The following GRB14 variants were observed in gnomAD, a reference collection of about 807,000 sequenced individuals.
GRB14 encodes the protein growth factor receptor bound protein 14.
Under a neutral mutation model 69.1 loss-of-function variants are expected in GRB14, and 38 were observed. The ratio of observed to expected loss-of-function variants is 0.55; its 90% CI spans 0.42 to 0.72. GRB14 has a LOEUF of 0.72. GRB14 is among the 30% of genes least tolerant of loss of function. GRB14 has a pLI of 0.00. For synonymous variants in GRB14, 247 were observed against 241.3 expected, an observed-to-expected ratio of 1.02 and a Z score of -0.22; for missense variants, 666 against 666.1, an observed-to-expected ratio of 1.00 and a Z score of 0.00.
chr2:164,588,861 A>C lies in GRB14; in HGVS notation c.324+30826T>G, dbSNP rs114685905. 3.3e-3 allele frequency among the ~76,000 whole-genome samples: 497 copies of C among 152,356 alleles called. 2 individuals carry two copies. Among genetic ancestry groups the C allele is most frequent in the African/African-American group, 0.011 (442 of 41,578 alleles). ...AACATCGTTCTAAAATCAATGCAAT[A>C]GTTTTAAATACTCAGCTTGCTGCAG... On this transcript the variant is annotated intron_variant, in intron 2 of 13. Coordinates refer to ENST00000263915, the MANE Select transcript of GRB14 (RefSeq NM_004490.3).
intron 3 of GRB14, among the ~76,000 whole-genome samples, chr2:164,528,536 AAAG>A (rs1433959153): frequency 6.6e-6 from 1 of 152,138 alleles, no homozygotes; most frequent in African/African-American, 2.4e-5. Flanking sequence ...TTCATCCAAA[AAAG>A]AAGTTCAGTT....
intron 2 of GRB14, among the ~76,000 whole-genome samples, chr2:164,552,448 C>T (rs1374313602): frequency 1.3e-5 from 2 of 152,196 alleles, no homozygotes; most frequent in East Asian, 1.9e-4. Flanking sequence ...GTATTTTCTG[C>T]CTTTGAGTAT....
At chr2:164,558,607 C>T (rs1042128152) in intron 2 of GRB14, among the ~76,000 whole-genome samples, 11 of 152,152 alleles carry the variant, frequency 7.2e-5, no homozygotes, top group Non-Finnish European at 8.8e-5. Flanking sequence ...ATCTTTGAAA[C>T]AAGAAAACCT....
chr2:164,501,093 A>C (rs1473863860), intron 9 of GRB14, among the ~76,000 whole-genome samples: 1 of 152,112 alleles, frequency 6.6e-6, no homozygotes, highest in Non-Finnish European at 1.5e-5. Flanking sequence ...GATAAGAGTA[A>C]GCTGAAAAAA....
Position 164,508,469 on chromosome 2 carries a change from T to C in GRB14, c.1009A>G (p.Ile337Val). ...EQSRTCWVTA[I>V]RLLKYGMQLY... ...GGCGAGATTACCTTAAGCAATCTAA[T>C]CGCGGTCACCCAGCACGTCCTACTC... The change falls in exon 8 of 14, where the codon ATT (isoleucine) becomes GTT (valine). Residue 337 changes from isoleucine to valine, a missense_variant. Coordinates refer to ENST00000263915, the MANE Select transcript of GRB14 (RefSeq NM_004490.3). 6.2e-7 allele frequency: 1 copy of C among 1,613,998 alleles called. No homozygotes were observed. The highest frequency in any genetic ancestry group is 8.5e-7 in the Non-Finnish European group (1 of 1,179,916).
chr2:164,553,089 C>G (rs1240597773), intron 2 of GRB14, among the ~76,000 whole-genome samples: 1 of 152,128 alleles, frequency 6.6e-6, no homozygotes, highest in African/African-American at 2.4e-5. Flanking sequence ...ACAGTAAGCT[C>G]TCATCACCTG....
chr2:164,547,559 A>T, intron 3 of GRB14, 101 bp downstream of exon 3: 3 of 948,728 alleles, frequency 3.2e-6, no homozygotes, highest in Middle Eastern at 2.5e-4. Context: ...GATATAGAAA[A>T]TTATCTCAAA....
At chr2:164,620,016 C>G (rs2105366731) in intron 1 of GRB14, 197 bp from the exon 2 acceptor site, 2 of 336,540 alleles carry the variant, frequency 5.9e-6, no homozygotes, top group Non-Finnish European at 5.4e-6. Flanking sequence ...ACAAACAAAT[C>G]TCCTATAGTT....
intron 2 of GRB14, among the ~76,000 whole-genome samples, chr2:164,576,037 G>T (rs1175756591): frequency 6.6e-6 from 1 of 151,906 alleles, no homozygotes; most frequent in East Asian, 1.9e-4. Flanking sequence ...TCATCAAGTT[G>T]CCTGTTCATA....
intron 2 of GRB14, chr2:164,574,061 A>G (rs2105332583): frequency 2.7e-6 from 3 of 1,093,298 alleles, no homozygotes; most frequent in Non-Finnish European, 4.1e-6. Flanking sequence ...CTAGATCTTC[A>G]GAGGTAAATT....
Position 164,619,784 on chromosome 2 carries a change from G to A in GRB14, c.227C>T (p.Pro76Leu). 6.2e-7 allele frequency: 1 copy of A among 1,610,348 alleles called. No homozygotes were observed. The highest frequency in any genetic ancestry group is 1.3e-5 in the African/African-American group (1 of 74,892). ...KKKDLDVPEM[P>L]SIPNPFPELC... ...CTCAGGAAAAGGGTTTGGAATAGATGGCATTTCCGGAACATCAAGATCTTT... is the reference window on the plus strand; with the variant it reads ...CTCAGGAAAAGGGTTTGGAATAGATAGCATTTCCGGAACATCAAGATCTTT... Residue 76 changes from proline to leucine, a missense_variant, in exon 2 of 14, where the codon CCA (proline) becomes CTA (leucine). Coordinates refer to ENST00000263915, the MANE Select transcript of GRB14 (RefSeq NM_004490.3).
At chr2:164,497,169 T>A (rs531547537) in intron 11 of GRB14, 42 bp downstream of exon 11, 1 of 1,598,186 alleles carries the variant, frequency 6.3e-7, no homozygotes, top group East Asian at 2.2e-5. Flanking sequence ...CCTTTCCATG[T>A]CTATCCGTCT....
chr2:164,532,228 A>C (rs1194874669), intron 3 of GRB14, among the ~76,000 whole-genome samples: 2 of 152,202 alleles, frequency 1.3e-5, no homozygotes, highest in Admixed American at 6.5e-5. Flanking sequence ...TTTTCCCCAA[A>C]AAGACTAAGA....
intron 5 of GRB14, 25 bp downstream of exon 5, chr2:164,524,979 A>G (rs1443286325): frequency 7.7e-7 from 1 of 1,304,378 alleles, no homozygotes; most frequent in South Asian, 1.3e-5. Context: ...TATTATTTAT[A>G]TATGTTAATA....
chr2:164,561,994 A>G (rs1196887000), intron 2 of GRB14, among the ~76,000 whole-genome samples: 1 of 152,216 alleles, frequency 6.6e-6, no homozygotes, highest in Admixed American at 6.5e-5. Context: ...CAACAGAGAC[A>G]AATATTAGGA....
At chr2:164,521,729 G>A (rs899388233) in intron 6 of GRB14, among the ~76,000 whole-genome samples, 1 of 152,068 alleles carries the variant, frequency 6.6e-6, no homozygotes, top group African/African-American at 2.4e-5. Context: ...AATTCAGAGT[G>A]AGGACAAAGG....
intron 2 of GRB14, among the ~76,000 whole-genome samples, chr2:164,617,338 T>C (rs878978727): frequency 6.6e-6 from 1 of 152,118 alleles, no homozygotes; most frequent in Non-Finnish European, 1.5e-5. Flanking sequence ...GAGAAGGTCA[T>C]TGTGGACACA....
At chr2:164,568,401 T>C (rs1229587553) in intron 2 of GRB14, 2 of 1,282,036 alleles carry the variant, frequency 1.6e-6, no homozygotes, top group South Asian at 2.5e-5. Flanking sequence ...AGAATGATCC[T>C]GTCTCGTAGG....
intron 3 of GRB14, among the ~76,000 whole-genome samples, chr2:164,530,598 G>A (rs1390177127): frequency 6.6e-6 from 1 of 151,982 alleles, no homozygotes; most frequent in East Asian, 1.9e-4. Context: ...TAAAGGAGAA[G>A]AGGACAGGAG....
Sources: gnomAD v4.1 joint callset for allele counts (sites outside exome capture counted in the v4.1 genomes callset) on GRCh38, gnomAD v4.1.1 for gene constraint, MANE v1.5 for transcripts, NCBI Gene and HGNC (gene_info 2026-07-23, HGNC 2026-07-21) for gene names.